The following ELFN1 variants were observed in gnomAD, a reference collection of about 807,000 sequenced individuals.
ELFN1 encodes protein ELFN1.
Under a neutral mutation model 7.6 loss-of-function variants are expected in ELFN1, and 6 were observed. The ratio of observed to expected loss-of-function variants is 0.79; its 90% CI spans 0.43 to 1.56. The LOEUF (loss-of-function observed/expected upper bound fraction) is 1.56. ELFN1 is among the 40% of genes most tolerant of loss of function. ELFN1 has a pLI of 0.01. For synonymous variants in ELFN1, 657 were observed against 588.1 expected, an observed-to-expected ratio of 1.12 and a Z score of -1.70; for missense variants, 1,169 against 1,232.2, an observed-to-expected ratio of 0.95 and a Z score of 0.77.
intron 1 of ELFN1, among the ~76,000 whole-genome samples, chr7:1,674,228 T>G (rs1034202361): frequency 7.2e-5 from 11 of 151,822 alleles, no homozygotes; most frequent in Admixed American, 7.2e-4. Flanking sequence ...CGCTCCCTGC[T>G]CCGGGCCATG....
intron 1 of ELFN1, among the ~76,000 whole-genome samples, chr7:1,677,734 C>T (rs1407990249): frequency 3.3e-5 from 5 of 152,064 alleles, no homozygotes; most frequent in South Asian, 2.1e-4. Flanking sequence ...AAATTCCTTC[C>T]GTCTGAGGGT....
chr7:1,746,057 G>A lies in ELFN1; in HGVS notation c.1461G>A (p.Pro487=), dbSNP rs1037881811. The change falls in exon 4 of 4, where the codon CCG becomes CCA. Residue 487 remains proline, a synonymous_variant. Coordinates refer to ENST00000424383, the MANE Select transcript of ELFN1 (RefSeq NM_001128636.4). ...GCCTGGCCCCGCTGTCCCAGGGCCC[G>A]CTGCTGGGCCCCGAGGCCGTGACGC... ...APGLAPLSQG[P]LLGPEAVTRI... 1.2e-5 allele frequency: 18 copies of A among 1,546,666 alleles called. No homozygotes were observed. The highest frequency in any genetic ancestry group is 2.5e-5 in the East Asian group (1 of 40,808).
At position 1,673,952 on chromosome 7, in the gene ELFN1, G is replaced by A. The variant is rs1235071585; in HGVS notation, c.-549+3598G>A. 6.6e-6 allele frequency among the ~76,000 whole-genome samples: 1 copy of A among 152,190 alleles called. No homozygotes were observed. Among genetic ancestry groups the A allele is most frequent in the African/African-American group, 2.4e-5 (1 of 41,446 alleles). ...CTGAGGCAGGAGGGGGTCCAGCAGGGCTTGAGGGACCTTCAGAGGGGAGGC... is the reference window on the plus strand; with the variant it reads ...CTGAGGCAGGAGGGGGTCCAGCAGGACTTGAGGGACCTTCAGAGGGGAGGC... On this transcript the variant is annotated intron_variant, in intron 1 of 3. Transcript: ENST00000424383. This position sits in a 1 kb window ranked among gnomAD's most constrained non-coding sequence, Gnocchi z 4.7.
Position 1,671,433 on chromosome 7 carries a change from C to T in ELFN1, c.-549+1079C>T, listed in dbSNP as rs560996250. Among the ~76,000 whole-genome samples the T allele has an allele frequency of 3.3e-5, 5 of 152,370 alleles. No individual in the cohort carries two copies. The South Asian group carries it at 1.0e-3, about 32-fold the overall frequency. ...ACCCGGAGTGGGGCCTCTTTGGACC[C>T]TGGCTTGGGCTGGCTGCCTCTGCCG... is the stretch of plus-strand genomic sequence containing the variant. On this transcript the variant is annotated intron_variant, in intron 1 of 3. Coordinates refer to ENST00000424383, the MANE Select transcript of ELFN1 (RefSeq NM_001128636.4).
At chr7:1,719,124 CCCACCAACAGGACCCAAG>C (rs1178098988) in intron 3 of ELFN1, among the ~76,000 whole-genome samples, 4 of 145,354 alleles carry the variant, frequency 2.8e-5, no homozygotes, top group Admixed American at 6.7e-5. Context: ...CAGGACCCCG[CCCACCAACAGGACCCAAG>C]CCACCAACAG....
At chr7:1,712,916 C>T (rs749590932) in intron 3 of ELFN1, among the ~76,000 whole-genome samples, 9 of 152,182 alleles carry the variant, frequency 5.9e-5, no homozygotes, top group South Asian at 4.2e-4. Context: ...AGGAGGGAAG[C>T]GTTCAGTGGG....
In ELFN1 at chr7:1,735,261, G is replaced by A. The variant is rs1015329404; in HGVS notation, c.-293-9043G>A. Among the ~76,000 whole-genome samples, 1 of 152,158 alleles carries A rather than the reference G, an allele frequency of 6.6e-6. No homozygotes were observed. Among genetic ancestry groups the A allele is most frequent in the Non-Finnish European group, 1.5e-5 (1 of 68,028 alleles). ...TAGGGTGTTCCTGCTCTTGGGGGCA[G>A]GGCAGGGGGAGCCCTGCAGCTTCCA... On this transcript the variant is annotated intron_variant, in intron 3 of 3. Transcript: ENST00000424383. This position sits in a 1 kb window ranked among gnomAD's most constrained non-coding sequence, Gnocchi z 5.9.
intron 2 of ELFN1, among the ~76,000 whole-genome samples, chr7:1,697,575 G>A (rs1583331495): frequency 6.6e-6 from 1 of 152,166 alleles, no homozygotes; most frequent in East Asian, 1.9e-4. Flanking sequence ...TCTCGTCCAC[G>A]CACCCAGGGG....
At chr7:1,691,016 T>C (rs576924746) in intron 2 of ELFN1, among the ~76,000 whole-genome samples, 1 of 152,188 alleles carries the variant, frequency 6.6e-6, no homozygotes, top group East Asian at 1.9e-4. Flanking sequence ...GGACAGGAGC[T>C]TGGAAGAAAT....
Position 1,745,042 on chromosome 7 carries a change from C to A in ELFN1, c.446C>A (p.Ala149Asp). ...LQANLIEVVMASSFWECPNIV... is the reference protein window; with the variant it reads ...LQANLIEVVMDSSFWECPNIV... ...GCCAACCTCATCGAGGTGGTCATGG[C>A]CAGCAGCTTCTGGGAGTGTCCCAAC... Residue 149 changes from alanine to aspartate, a missense_variant, in exon 4 of 4, where the codon GCC becomes GAC. Coordinates refer to ENST00000424383, the MANE Select transcript of ELFN1 (RefSeq NM_001128636.4). 6.4e-7 allele frequency: 1 copy of A among 1,551,094 alleles called. No homozygotes were observed. The highest frequency in any genetic ancestry group is 8.7e-7 in the Non-Finnish European group (1 of 1,146,986).
intron 1 of ELFN1, among the ~76,000 whole-genome samples, chr7:1,685,659 G>A (rs1447170576): frequency 6.6e-6 from 1 of 150,928 alleles, no homozygotes; most frequent in Admixed American, 6.6e-5. Flanking sequence ...AATAATTTCT[G>A]TCTCTTCATT....
chr7:1,699,210 C>G (rs1779377586), intron 2 of ELFN1, among the ~76,000 whole-genome samples: 1 of 152,204 alleles, frequency 6.6e-6, no homozygotes, highest in Admixed American at 6.5e-5. Context: ...CAGGTTGTTT[C>G]TAGTCTGGGC....
rs759244078 is a variant in ELFN1 at position 1,745,811 on chromosome 7, G to A, written c.1215G>A (p.Pro405=). The A allele has an allele frequency of 2.1e-5, 33 of 1,564,362 alleles. No individual in the cohort carries two copies. Among genetic ancestry groups the A allele is most frequent in the South Asian group, 8.2e-5 (7 of 85,162 alleles). The change falls in exon 4 of 4, where the codon CCG becomes CCA. Residue 405 remains proline (P), a synonymous_variant. Coordinates refer to ENST00000424383, the MANE Select transcript of ELFN1 (RefSeq NM_001128636.4). The part of the protein sequence containing the change: ...LTICLPRLPS[P]PGPVPSPSTA... The stretch of plus-strand genomic sequence containing the variant: ...TCTGCTTGCCCCGGCTGCCCAGCCC[G>A]CCTGGTCCGGTGCCCAGCCCCTCCA...
chr7:1,719,320 A>C (rs868405250), intron 3 of ELFN1, among the ~76,000 whole-genome samples: 16 of 40,066 alleles, frequency 4.0e-4, no homozygotes, highest in African/African-American at 2.5e-3. Context: ...AACAGGACCC[A>C]AGCCACCAAC....
At chr7:1,708,598 C>G (rs978576455) in intron 2 of ELFN1, among the ~76,000 whole-genome samples, 1 of 152,182 alleles carries the variant, frequency 6.6e-6, no homozygotes, top group Non-Finnish European at 1.5e-5. Flanking sequence ...TGAGCATACC[C>G]AGGGTCTCTA....
intron 3 of ELFN1, among the ~76,000 whole-genome samples, chr7:1,729,402 C>T (rs191811016): frequency 1.3e-5 from 2 of 152,258 alleles, no homozygotes; most frequent in East Asian, 1.9e-4. Flanking sequence ...TGCTCAGCAG[C>T]GGCTCCTTCA....
chr7:1,728,238 C>T (rs1780248851), intron 3 of ELFN1, among the ~76,000 whole-genome samples: 1 of 152,228 alleles, frequency 6.6e-6, no homozygotes. Flanking sequence ...ACTCCTGCTC[C>T]CCATCCCCCT....
Position 1,705,528 on chromosome 7 carries a change from C to T in ELFN1, c.-455-3563C>T, listed in dbSNP as rs1583339853. Among the ~76,000 whole-genome samples, 1 of 152,336 alleles carries T rather than the reference C, an allele frequency of 6.6e-6. No individual in the cohort carries two copies. The highest frequency in any genetic ancestry group is 2.4e-5 in the African/African-American group (1 of 41,576). On this transcript the variant is annotated intron_variant, in intron 2 of 3. Coordinates refer to ENST00000424383, the MANE Select transcript of ELFN1 (RefSeq NM_001128636.4). This position sits in a 1 kb window ranked among gnomAD's most constrained non-coding sequence, Gnocchi z 4.3. Reference sequence around the variant, plus strand: ...CTGCCTGCCCGAGGGCACTGCTGGGCCCCCCTTCCGACGGCACACAGTGGG... The same window carrying T: ...CTGCCTGCCCGAGGGCACTGCTGGGTCCCCCTTCCGACGGCACACAGTGGG...
Position 1,745,226 on chromosome 7 carries a change from C to G in ELFN1, c.630C>G (p.Asn210Lys). The G allele has an allele frequency of 6.5e-7, 1 of 1,542,202 alleles. No individual in the cohort carries two copies. The highest frequency in any genetic ancestry group is 1.7e-4 in the Middle Eastern group (1 of 5,992). The change falls in exon 4 of 4, where the codon AAC (asparagine) becomes AAG (lysine). Residue 210 changes from asparagine (N) to lysine (K), a missense_variant. Asn to Lys is a moderately conservative substitution (Grantham distance 94). This residue lies in a region of ELFN1 where 255 missense variants were observed against 359.6 expected (regional missense o/e 0.71). Coordinates refer to ENST00000424383, the MANE Select transcript of ELFN1 (RefSeq NM_001128636.4). ...TGCGCTGGCTGGCCGCCTTCACCAACGCCACACAGACGTACGACCGCATGC... is the reference window on the plus strand; with the variant it reads ...TGCGCTGGCTGGCCGCCTTCACCAAGGCCACACAGACGTACGACCGCATGC... ...GFLRWLAAFT[N>K]ATQTYDRMQC...
Sources: allele counts gnomAD v4.1 joint callset (sites outside exome capture counted in the v4.1 genomes callset), GRCh38; gene constraint gnomAD v4.1.1; regional missense constraint gnomAD v4.1.1; non-coding constraint Gnocchi (gnomAD v3.1); transcripts MANE v1.5; gene names NCBI Gene and HGNC (gene_info 2026-07-23, HGNC 2026-07-21).